The following KAT6B variants were observed in gnomAD, a reference collection of about 807,000 sequenced individuals.
The protein encoded by KAT6B is lysine acetyltransferase 6B, also known as histone acetyltransferase KAT6B.
Under a neutral mutation model 187.5 loss-of-function variants are expected in KAT6B, and 10 were observed. The observed-to-expected ratio is 0.05, with a 90% CI of 0.03 to 0.09. KAT6B has a LOEUF of 0.09. Ranked by LOEUF, KAT6B falls within the 10% of genes least tolerant of loss-of-function variation. The pLI is 1.00. For missense variants in KAT6B, 1,952 were observed against 2,558.9 expected, an observed-to-expected ratio of 0.76 and a Z score of 5.12; for synonymous variants, 861 against 926.8, an observed-to-expected ratio of 0.93 and a Z score of 1.29.
rs149983521 is a variant in KAT6B at position 74,890,995 on chromosome 10, A to G, written c.621+47517A>G. On this transcript the variant is annotated intron_variant, in intron 3 of 17. Coordinates refer to ENST00000287239, the MANE Select transcript of KAT6B (RefSeq NM_012330.4). ...TTTCTCTTTCAAAGGAAATTCTAGTATGTATTCCCATTCAATAAAAGCAAA... is the reference window on the plus strand; with the variant it reads ...TTTCTCTTTCAAAGGAAATTCTAGTGTGTATTCCCATTCAATAAAAGCAAA... Among the ~76,000 whole-genome samples, 544 of 152,342 alleles carry G rather than the reference A, an allele frequency of 3.6e-3. 1 individual carries two copies. Among genetic ancestry groups the G allele is most frequent in the African/African-American group, 0.012 (513 of 41,576 alleles).
chr10:74,984,458 GAGA>G (rs1413822955), intron 11 of KAT6B: 1 of 152,586 alleles, frequency 6.6e-6, no homozygotes, highest in African/African-American at 2.4e-5. Context: ...TTATTTTGAA[GAGA>G]AGTAGACTGT....
chr10:74,936,608 A>G (rs1589660739), intron 3 of KAT6B, among the ~76,000 whole-genome samples: 1 of 152,192 alleles, frequency 6.6e-6, no homozygotes, highest in African/African-American at 2.4e-5. Flanking sequence ...TTAGAAAACA[A>G]ATAATTTTAG....
chr10:74,838,125 A>G (rs902023324), intron 1 of KAT6B, among the ~76,000 whole-genome samples: 9 of 152,136 alleles, frequency 5.9e-5, no homozygotes, highest in African/African-American at 2.2e-4. Flanking sequence ...CTGTCCTAAA[A>G]TGTGACTTGT....
intron 3 of KAT6B, among the ~76,000 whole-genome samples, chr10:74,855,292 G>C (rs1842746780): frequency 1.3e-5 from 2 of 152,224 alleles, no homozygotes; most frequent in African/African-American, 4.8e-5. Flanking sequence ...CAGAGGCAGA[G>C]CTTGACTGTT....
At chr10:74,836,364 C>G (rs1325984611) in intron 1 of KAT6B, among the ~76,000 whole-genome samples, 1 of 152,142 alleles carries the variant, frequency 6.6e-6, no homozygotes, top group Non-Finnish European at 1.5e-5. Context: ...TATGGTAATT[C>G]TGTGTTTAAC....
intron 3 of KAT6B, among the ~76,000 whole-genome samples, chr10:74,936,039 A>C (rs1443486615): frequency 6.6e-6 from 1 of 152,220 alleles, no homozygotes; most frequent in Non-Finnish European, 1.5e-5. Flanking sequence ...TCTTTAGTAC[A>C]GCCATTATTT....
At chr10:74,882,610 C>T (rs890383204) in intron 3 of KAT6B, among the ~76,000 whole-genome samples, 8 of 152,166 alleles carry the variant, frequency 5.3e-5, no homozygotes, top group African/African-American at 1.9e-4. Context: ...AGACCTATTT[C>T]CTAATAATTT....
In KAT6B at chr10:74,894,125, C is replaced by T. The variant is rs577883643; in HGVS notation, c.621+50647C>T. Among the ~76,000 whole-genome samples, 39 of 152,270 alleles carry T rather than the reference C, an allele frequency of 2.6e-4. 1 individual carries two copies. Among genetic ancestry groups the T allele is most frequent in the South Asian group, 2.3e-3 (11 of 4,830 alleles). On this transcript the variant is annotated intron_variant, in intron 3 of 17. Transcript: ENST00000287239. The stretch of plus-strand genomic sequence containing the variant: ...TGAGACGGAGTCTCCCTCTGTCGCC[C>T]AGGCTGGAGTGCAATGGCACGATCT...
chr10:74,888,104 A>G (rs901622202), intron 3 of KAT6B, among the ~76,000 whole-genome samples: 3 of 152,164 alleles, frequency 2.0e-5, no homozygotes, highest in Admixed American at 6.5e-5. Flanking sequence ...AAATTCTCCA[A>G]TGTGTGGGTT....
intron 3 of KAT6B, among the ~76,000 whole-genome samples, chr10:74,901,447 A>G (rs958367637): frequency 6.6e-6 from 1 of 152,210 alleles, no homozygotes; most frequent in Non-Finnish European, 1.5e-5. Context: ...TGTGTAGTGT[A>G]TTAATGAGCT....
At chr10:74,964,201 T>C (rs11001226) in intron 4 of KAT6B, among the ~76,000 whole-genome samples, 19,761 of 152,152 alleles carry the variant, frequency 0.13, 2,096 homozygotes, top group South Asian at 0.28. Flanking sequence ...GCCCCATCCC[T>C]GCAAAAGCCC....
At chr10:75,021,429 G>T in intron 15 of KAT6B, 144 bp downstream of exon 15, 1 of 740,468 alleles carries the variant, frequency 1.4e-6, no homozygotes. Context: ...TATCCTAACT[G>T]AGGTTGCATG....
chr10:74,930,702 C>T (rs1371410720), intron 3 of KAT6B, among the ~76,000 whole-genome samples: 2 of 152,116 alleles, frequency 1.3e-5, no homozygotes, highest in Non-Finnish European at 2.9e-5. Context: ...TGAAATATAT[C>T]ATGTATGTGT....
chr10:74,895,928 C>T (rs567672085), intron 3 of KAT6B, among the ~76,000 whole-genome samples: 1 of 152,308 alleles, frequency 6.6e-6, no homozygotes, highest in Admixed American at 6.5e-5. Context: ...TACCATTCCA[C>T]ACACTGCTTT....
At chr10:74,924,234 A>G (rs1848335258) in intron 3 of KAT6B, among the ~76,000 whole-genome samples, 1 of 152,186 alleles carries the variant, frequency 6.6e-6, no homozygotes, top group Non-Finnish European at 1.5e-5. Context: ...CCCAGTGCAC[A>G]CAAAGGACCT....
rs1442377705 is a variant in KAT6B at position 75,028,862 on chromosome 10, T to C, written c.4038T>C (p.Asp1346=). Residue 1346 remains aspartate (D), a synonymous_variant, in exon 18 of 18, where the codon GAT becomes GAC. Coordinates refer to ENST00000287239, the MANE Select transcript of KAT6B (RefSeq NM_012330.4). ...NTSPGEKPED[D]LIKPEEEEEE... is the part of the protein sequence containing the mutation. ...CACCAGGTGAAAAACCAGAAGATGATCTCATCAAACCTGAGGAAGAGGAAG... is the reference window on the plus strand; with the variant it reads ...CACCAGGTGAAAAACCAGAAGATGACCTCATCAAACCTGAGGAAGAGGAAG... 1.2e-6 allele frequency: 2 copies of C among 1,612,700 alleles called. No individual in the cohort carries two copies. Among genetic ancestry groups the C allele is most frequent in the East Asian group, 2.2e-5 (1 of 44,848 alleles).
rs558632410 is a variant in KAT6B, at chr10:74,945,671, A to G, written c.622-14299A>G. Among the ~76,000 whole-genome samples the G allele has an allele frequency of 4.6e-5, 7 of 152,224 alleles. No individual in the cohort carries two copies. In the South Asian group the frequency reaches 1.0e-3, roughly 23 times the overall value. ...CACCATGTTTATCAGGCTGGTCTCC[A>G]ACTCCTGAGCTCAAGTGATCCGCCC... is the stretch of plus-strand genomic sequence containing the variant. On this transcript the variant is annotated intron_variant, in intron 3 of 17. Transcript: ENST00000287239.
chr10:75,002,069 G>A (rs1178894749), intron 13 of KAT6B, among the ~76,000 whole-genome samples: 1 of 152,160 alleles, frequency 6.6e-6, no homozygotes. Flanking sequence ...ACCTGAGGAT[G>A]GGTATGGGTA....
chr10:74,978,391 T>G (rs1314189760), intron 9 of KAT6B, among the ~76,000 whole-genome samples: 1 of 152,194 alleles, frequency 6.6e-6, no homozygotes, highest in Non-Finnish European at 1.5e-5. Flanking sequence ...AGTGGGATTG[T>G]GCCCTTGAAT....
Sources: allele counts gnomAD v4.1 joint callset (sites outside exome capture counted in the v4.1 genomes callset), GRCh38; gene constraint gnomAD v4.1.1; transcripts MANE v1.5; gene names NCBI Gene and HGNC (gene_info 2026-07-23, HGNC 2026-07-21).